DOK6: variants seen among roughly 807,000 people sequenced by gnomAD.
DOK6 encodes downstream of tyrosine kinase 6.
In DOK6, 22 loss-of-function variants were observed where a neutral mutation model predicts 44.0. That is an observed-to-expected ratio of 0.50 (90% confidence interval 0.36 to 0.71). The LOEUF (loss-of-function observed/expected upper bound fraction) is 0.71. Among genes scored for constraint, DOK6 ranks in the 30% least tolerant of loss-of-function variants. The pLI is 0.00. For missense variants in DOK6, 340 were observed against 416.4 expected (o/e 0.82, Z 1.60); for synonymous variants, 166 against 145.5 (o/e 1.14, Z -1.01).
chr18:69,487,403 C>T (rs1226799276), intron 1 of DOK6, among the ~76,000 whole-genome samples: 1 of 152,050 alleles, frequency 6.6e-6, no homozygotes, highest in Non-Finnish European at 1.5e-5. Context: ...AGATCACAGG[C>T]TTCATTGAGG....
intron 4 of DOK6, among the ~76,000 whole-genome samples, chr18:69,693,434 G>A (rs1251528003): frequency 6.6e-6 from 1 of 151,728 alleles, no homozygotes; most frequent in Non-Finnish European, 1.5e-5. Flanking sequence ...TGTTCACCAT[G>A]TGCTAGATGC....
chr18:69,698,883 A>T (rs1480931412), intron 5 of DOK6, among the ~76,000 whole-genome samples: 2 of 152,198 alleles, frequency 1.3e-5, no homozygotes, highest in African/African-American at 4.8e-5. Flanking sequence ...GTTTTGCAAG[A>T]TTATTACAAT....
chr18:69,649,068 T>C (rs1985154608), intron 3 of DOK6, among the ~76,000 whole-genome samples: 1 of 152,188 alleles, frequency 6.6e-6, no homozygotes, highest in African/African-American at 2.4e-5. Flanking sequence ...TCTTGACTTC[T>C]CTTACCATCC....
chr18:69,550,558 C>A (rs1307268106), intron 1 of DOK6, among the ~76,000 whole-genome samples: 1 of 152,052 alleles, frequency 6.6e-6, no homozygotes, highest in African/African-American at 2.4e-5. Flanking sequence ...GGAACCTTGG[C>A]TTCTTTGCTC....
chr18:69,401,371 G>C (rs570103532), intron 1 of DOK6, 61 bp downstream of exon 1: 14,517 of 1,291,048 alleles, frequency 0.011, 92 homozygotes, highest in Non-Finnish European at 0.012. Context: ...TGGCTGCCTG[G>C]GGGGGGGGCA....
chr18:69,815,993 G>A (rs1307619247), intron 7 of DOK6, among the ~76,000 whole-genome samples: 1 of 152,060 alleles, frequency 6.6e-6, no homozygotes, highest in African/African-American at 2.4e-5. Flanking sequence ...AAGTTTCTGT[G>A]GACATGATTA....
intron 1 of DOK6, among the ~76,000 whole-genome samples, chr18:69,513,582 T>C (rs1981435191): frequency 6.6e-6 from 1 of 152,232 alleles, no homozygotes; most frequent in Non-Finnish European, 1.5e-5. Context: ...TAAAACTAGA[T>C]TTCACTGTCT....
intron 7 of DOK6, among the ~76,000 whole-genome samples, chr18:69,807,401 C>T (rs1981084685): frequency 1.3e-5 from 2 of 151,610 alleles, no homozygotes; most frequent in South Asian, 4.1e-4. Context: ...TACAAAACAA[C>T]CAAAAAACAA....
chr18:69,626,835 A>G (rs963192772), intron 3 of DOK6, among the ~76,000 whole-genome samples: 1 of 152,150 alleles, frequency 6.6e-6, no homozygotes, highest in Non-Finnish European at 1.5e-5. Flanking sequence ...AACTGGCAAG[A>G]GGTTTTTAAA....
intron 7 of DOK6, among the ~76,000 whole-genome samples, chr18:69,782,272 C>T (rs952054357): frequency 2.3e-4 from 34 of 146,604 alleles, no homozygotes; most frequent in African/African-American, 7.8e-4. Context: ...AGTGCAGCGG[C>T]GAGATCTCAG....
intron 3 of DOK6, among the ~76,000 whole-genome samples, chr18:69,655,821 C>G (rs1248425320): frequency 7.8e-6 from 1 of 128,744 alleles, no homozygotes; most frequent in Non-Finnish European, 1.7e-5. Context: ...ATATAAAAAC[C>G]TTAATCTAAA....
In DOK6 at chr18:69,841,389, A is replaced by G. The variant is rs764671949; in HGVS notation, c.*6A>G. On this transcript the variant is annotated 3_prime_UTR_variant, in exon 8 of 8. Coordinates refer to ENST00000382713, the MANE Select transcript of DOK6 (RefSeq NM_152721.6). Reference sequence around the variant, plus strand: ...GCTCCAGCCTCATCCAATGACACACAGAGAGCCGCTGTTGACTAGAGAGAC... The same window carrying G: ...GCTCCAGCCTCATCCAATGACACACGGAGAGCCGCTGTTGACTAGAGAGAC... 3.1e-6 allele frequency: 5 copies of G among 1,614,150 alleles called. No individual in the cohort carries two copies. The South Asian group carries it at 4.4e-5, about 14-fold the overall frequency.
chr18:69,547,944 TATATATAAA>T (rs1982450534), intron 1 of DOK6, among the ~76,000 whole-genome samples: 1 of 139,436 alleles, frequency 7.2e-6, no homozygotes, highest in Admixed American at 7.2e-5. Flanking sequence ...ATATATATAA[TATATATAAA>T]ATATATATAT....
At chr18:69,755,695 G>C (rs151315190) in intron 6 of DOK6, among the ~76,000 whole-genome samples, 1 of 152,190 alleles carries the variant, frequency 6.6e-6, no homozygotes, top group Non-Finnish European at 1.5e-5. Flanking sequence ...CGTTTTTAAC[G>C]TGCATAGCTC....
intron 2 of DOK6, among the ~76,000 whole-genome samples, chr18:69,584,369 C>T (rs942572740): frequency 7.2e-5 from 11 of 152,168 alleles, no homozygotes; most frequent in African/African-American, 2.2e-4. Context: ...CCACTGCAAC[C>T]TCCACCTCTG....
chr18:69,455,198 A>C (rs59325120), intron 1 of DOK6, among the ~76,000 whole-genome samples: 32,469 of 149,142 alleles, frequency 0.22, 3,596 homozygotes, highest in Middle Eastern at 0.36. Context: ...AAAAAGGAAA[A>C]AAAAAAGAAA....
At chr18:69,740,898 C>T (rs934630352) in intron 6 of DOK6, among the ~76,000 whole-genome samples, 1 of 152,244 alleles carries the variant, frequency 6.6e-6, no homozygotes, top group East Asian at 1.9e-4. Flanking sequence ...TCAAGTATTT[C>T]TAACAATGTT....
intron 1 of DOK6, among the ~76,000 whole-genome samples, chr18:69,548,707 A>G (rs1271705114): frequency 6.6e-6 from 1 of 151,544 alleles, no homozygotes; most frequent in Non-Finnish European, 1.5e-5. Flanking sequence ...ATATTCCTGG[A>G]CCTATATGGC....
intron 1 of DOK6, among the ~76,000 whole-genome samples, chr18:69,475,839 C>T (rs1439334233): frequency 6.6e-6 from 1 of 152,166 alleles, no homozygotes; most frequent in East Asian, 1.9e-4. Context: ...ACATATTAAA[C>T]AATATGAGCC....
Sources: allele counts gnomAD v4.1 joint callset (sites outside exome capture counted in the v4.1 genomes callset), GRCh38; gene constraint gnomAD v4.1.1; transcripts MANE v1.5; gene names NCBI Gene and HGNC (gene_info 2026-07-23, HGNC 2026-07-21).